Variants in TSC22D1 observed in about 807,000 individuals in gnomAD.
The protein encoded by TSC22D1 is TSC22 domain family protein 1.
A neutral mutation model predicts 74.2 loss-of-function variants in TSC22D1; 9 were observed. That is an observed-to-expected ratio of 0.12 (90% CI 0.07 to 0.21). The LOEUF is 0.21. Ranked by LOEUF, TSC22D1 falls within the 10% of genes least tolerant of loss-of-function variation. The probability of loss-of-function intolerance (pLI) is 1.00; values close to 1 mark genes in which losing one functional copy is unlikely to be tolerated. For synonymous variants in TSC22D1, 586 were observed against 492.5 expected (o/e 1.19, Z -2.51); for missense variants, 1,427 against 1,304.7 (o/e 1.09, Z -1.44).
chr13:44,484,148 A>C (rs554709778), intron 1 of TSC22D1, among the ~76,000 whole-genome samples: 4 of 152,310 alleles, frequency 2.6e-5, no homozygotes, highest in Non-Finnish European at 1.5e-5. Context: ...CAAAGTTTGA[A>C]ACTGAAAAAA....
At chr13:44,558,511 G>A (rs774233629) in intron 1 of TSC22D1, among the ~76,000 whole-genome samples, 8 of 152,170 alleles carry the variant, frequency 5.3e-5, no homozygotes, top group South Asian at 4.2e-4. Flanking sequence ...AGGCTGAGGC[G>A]GATGGACAGT....
In TSC22D1 at chr13:44,436,124, G is replaced by A. The variant is rs9634789; in HGVS notation, c.2913-29C>T. ...AAAAAGAGGAGGGAAAAAGGTCATCGATAAATGGAATTTATCTTAAGCTTC... is the reference window on the plus strand; with the variant it reads ...AAAAAGAGGAGGGAAAAAGGTCATCAATAAATGGAATTTATCTTAAGCTTC... On this transcript the variant is annotated intron_variant, in intron 1 of 2. Transcript: ENST00000458659. 4 of 1,604,896 alleles carry A rather than the reference G, an allele frequency of 2.5e-6. No homozygotes were observed. In the East Asian group the frequency reaches 8.9e-5, roughly 36 times the overall value.
intron 1 of TSC22D1, among the ~76,000 whole-genome samples, chr13:44,487,453 C>T (rs372333947): frequency 5.9e-5 from 7 of 117,652 alleles, no homozygotes; most frequent in East Asian, 5.9e-4. Flanking sequence ...GAGCCGCGAT[C>T]GTGCCACTGC....
Position 44,576,287 on chromosome 13 carries a change from G to A in TSC22D1, c.-213C>T. 3.2e-6 allele frequency: 2 copies of A among 623,446 alleles called. No individual in the cohort carries two copies. The highest frequency in any genetic ancestry group is 4.5e-5 in the South Asian group (2 of 44,202). 38.6% of individuals were successfully genotyped at this position (623,446 alleles called of 1,614,324 possible). A position where few individuals can be genotyped will look rare whatever the true frequency, so the allele number is the denominator to read the frequency against. The stretch of plus-strand genomic sequence containing the variant: ...TGAACGAGGGTGAACAGGGCGGCCG[G>A]GGACCCGAAGGGGGGATCCCTTCAG... On this transcript the variant is annotated 5_prime_UTR_variant, in exon 1 of 3. Transcript: ENST00000458659.
intron 1 of TSC22D1, among the ~76,000 whole-genome samples, chr13:44,495,313 A>G (rs1480775858): frequency 6.7e-6 from 1 of 150,222 alleles, no homozygotes; most frequent in Non-Finnish European, 1.5e-5. Context: ...AAAAAAAAAC[A>G]GTCTAACGGT....
Position 44,575,686 on chromosome 13 carries a change from C to T in TSC22D1, c.389G>A (p.Ser130Asn). The T allele has an allele frequency of 6.2e-7, 1 of 1,614,218 alleles. No individual in the cohort carries two copies. The highest frequency in any genetic ancestry group is 8.5e-7 in the Non-Finnish European group (1 of 1,180,046). Reference protein sequence around the residue: ...QISASISSNNSIAEDTESYDD... With the variant: ...QISASISSNNNIAEDTESYDD... ...ATAGCTCTCAGTGTCCTCTGCTATA[C>T]TGTTGTTAGAGCTGATACTAGCGGA... is the stretch of plus-strand genomic sequence containing the variant. Residue 130 changes from serine to asparagine, a missense_variant, in exon 1 of 3, where the codon AGT becomes AAT. Around this residue, in one of 3 missense-constraint regions of TSC22D1, gnomAD observed 1,343 missense variants for 1,191.5 expected, o/e 1.13. Coordinates refer to ENST00000458659, the MANE Select transcript of TSC22D1 (RefSeq NM_183422.4).
chr13:44,572,906 C>G (rs569655335), intron 1 of TSC22D1, among the ~76,000 whole-genome samples: 1 of 152,156 alleles, frequency 6.6e-6, no homozygotes, highest in Non-Finnish European at 1.5e-5. Flanking sequence ...AACCACTTGG[C>G]GCCCCCAAAC....
At chr13:44,506,810 T>C (rs976114711) in intron 1 of TSC22D1, among the ~76,000 whole-genome samples, 3 of 152,070 alleles carry the variant, frequency 2.0e-5, no homozygotes, top group African/African-American at 4.8e-5. Flanking sequence ...AAAGAGGTCA[T>C]ACAGCCTGGA....
At chr13:44,527,856 G>C (rs976156320) in intron 1 of TSC22D1, among the ~76,000 whole-genome samples, 1 of 151,982 alleles carries the variant, frequency 6.6e-6, no homozygotes, top group Admixed American at 6.6e-5. Context: ...AAAGGATAGG[G>C]ACAGATATGC....
intron 1 of TSC22D1, among the ~76,000 whole-genome samples, chr13:44,444,878 C>T (rs561321631): frequency 6.6e-6 from 1 of 152,232 alleles, no homozygotes; most frequent in African/African-American, 2.4e-5. Context: ...AAACAGATAA[C>T]TTGAATAGTC....
chr13:44,433,824 G>T lies in TSC22D1; in HGVS notation c.*802C>A. The T allele has an allele frequency of 1.6e-6, 1 of 619,632 alleles. No individual in the cohort carries two copies. Among genetic ancestry groups the T allele is most frequent in the Non-Finnish European group, 2.5e-6 (1 of 392,708 alleles). The allele number at this position is 619,632 out of a possible 1,614,324, so 38.4% of individuals were successfully genotyped here. ...CCAAATTCTTAAAATTTCTTTAGGTGTGGTTTTTGTCATGTAGCAGTTTTT... is the reference window on the plus strand; with the variant it reads ...CCAAATTCTTAAAATTTCTTTAGGTTTGGTTTTTGTCATGTAGCAGTTTTT... On this transcript the variant is annotated 3_prime_UTR_variant, in exon 3 of 3. Transcript: ENST00000458659.
intron 1 of TSC22D1, among the ~76,000 whole-genome samples, chr13:44,565,417 G>A (rs1883306513): frequency 6.6e-6 from 1 of 152,038 alleles, no homozygotes; most frequent in South Asian, 2.1e-4. Flanking sequence ...AAGATTTCCT[G>A]GTCAAATTGA....
intron 1 of TSC22D1, among the ~76,000 whole-genome samples, chr13:44,443,461 A>C (rs778641652): frequency 1.3e-5 from 2 of 152,210 alleles, no homozygotes; most frequent in Non-Finnish European, 2.9e-5. Flanking sequence ...TACCAGATGA[A>C]AAAACTAGAT....
Position 44,574,325 on chromosome 13 carries a change from C to T in TSC22D1, c.1750G>A (p.Val584Met), listed in dbSNP as rs1884026604. 1 of 1,614,136 alleles carries T rather than the reference C, an allele frequency of 6.2e-7. No individual in the cohort carries two copies. The highest frequency in any genetic ancestry group is 1.3e-5 in the African/African-American group (1 of 74,940). ...ATGIQPSPVN[V>M]VGVTSALGQQ... ...CCTAAAGCTGAAGTTACACCAACCA[C>T]ATTTACAGGCGATGGCTGGATACCA... Residue 584 changes from valine to methionine, a missense_variant, in exon 1 of 3, where the codon GTG (valine) becomes ATG (methionine). Around this residue, in one of 3 missense-constraint regions of TSC22D1, gnomAD observed 1,343 missense variants for 1,191.5 expected, o/e 1.13. Transcript: ENST00000458659.
rs1883913838 is a variant in TSC22D1, at chr13:44,573,390, G to C, written c.2685C>G (p.Thr895=). 6.2e-7 allele frequency: 1 copy of C among 1,614,222 alleles called. No homozygotes were observed. Among genetic ancestry groups the C allele is most frequent in the East Asian group, 2.2e-5 (1 of 44,890 alleles). Residue 895 remains threonine (T), a synonymous_variant, in exon 1 of 3, where the codon ACC becomes ACG. Coordinates refer to ENST00000458659, the MANE Select transcript of TSC22D1 (RefSeq NM_183422.4). Reference sequence around the variant, plus strand: ...GAGCTAATGATTGTGCGGAGAACTGGGTAGAACTTAGTGGTATCTGTTGTG... The same window carrying C: ...GAGCTAATGATTGTGCGGAGAACTGCGTAGAACTTAGTGGTATCTGTTGTG... The part of the protein sequence containing the change: ...PLAQQIPLSS[T]QFSAQSLAQA...
intron 1 of TSC22D1, among the ~76,000 whole-genome samples, chr13:44,487,356 G>A (rs1052702294): frequency 1.3e-4 from 19 of 151,378 alleles, no homozygotes; most frequent in African/African-American, 4.6e-4. Context: ...AAAATTAGCT[G>A]GGCGTGGTGA....
At position 44,574,673 on chromosome 13, in the gene TSC22D1, T is replaced by A. The variant is rs573011545; in HGVS notation, c.1402A>T (p.Ser468Cys). 1 of 1,614,112 alleles carries A rather than the reference T, an allele frequency of 6.2e-7. No individual in the cohort carries two copies. The highest frequency in any genetic ancestry group is 2.2e-5 in the East Asian group (1 of 44,880). The change falls in exon 1 of 3, where the codon AGT (serine) becomes TGT (cysteine). Residue 468 changes from serine (S) to cysteine (C), a missense_variant. By Grantham distance (112) the Ser-to-Cys change is moderately radical. Coordinates refer to ENST00000458659, the MANE Select transcript of TSC22D1 (RefSeq NM_183422.4). ...GTGCTGACACTACTGCTCACTGAAC[T>A]CCCACTAGTGCTCTCCCTTTCAGAA... Reference protein sequence around the residue: ...VTSERESTSGSSVSSSVSTLS... With the variant: ...VTSERESTSGCSVSSSVSTLS...
chr13:44,444,905 A>G (rs1025571791), intron 1 of TSC22D1, among the ~76,000 whole-genome samples: 7 of 152,198 alleles, frequency 4.6e-5, no homozygotes, highest in African/African-American at 1.7e-4. Context: ...CTATTTACAA[A>G]ATTGAATTTA....
At chr13:44,503,591 A>G (rs1025449621) in intron 1 of TSC22D1, among the ~76,000 whole-genome samples, 2 of 152,164 alleles carry the variant, frequency 1.3e-5, no homozygotes, top group Admixed American at 6.5e-5. Context: ...GGCTGGGGGG[A>G]AAAGATACAA....
Sources: gnomAD v4.1 joint callset for allele counts (sites outside exome capture counted in the v4.1 genomes callset) on GRCh38, gnomAD v4.1.1 for gene constraint, gnomAD v4.1.1 regional missense constraint, MANE v1.5 for transcripts, NCBI Gene and HGNC (gene_info 2026-07-23, HGNC 2026-07-21) for gene names.